The following LMO2 variants were observed in gnomAD, a reference collection of about 807,000 sequenced individuals.
LMO2 encodes the protein rhombotin-2.
A neutral mutation model predicts 23.2 loss-of-function variants in LMO2; 20 were observed. The ratio of observed to expected loss-of-function variants is 0.86; its 90% confidence interval spans 0.61 to 1.25. The LOEUF (loss-of-function observed/expected upper bound fraction) is 1.25, where lower values mean the gene tolerates loss of function less well. Ranked by LOEUF, LMO2 falls within the 50% of genes most tolerant of loss-of-function variation. LMO2 has a pLI of 0.00. For missense variants in LMO2, 270 were observed against 315.3 expected, an observed-to-expected ratio of 0.86 and a Z score of 1.09; for synonymous variants, 123 against 130.2, an observed-to-expected ratio of 0.94 and a Z score of 0.38.
intron 2 of LMO2, among the ~76,000 whole-genome samples, chr11:33,877,816 A>G (rs1857171882): frequency 6.6e-6 from 1 of 151,960 alleles, no homozygotes; most frequent in Non-Finnish European, 1.5e-5. Context: ...TAGAGCTGGA[A>G]TCTTGTTAAT....
chr11:33,889,413 A>G (rs1857490668), intron 1 of LMO2, among the ~76,000 whole-genome samples: 1 of 152,182 alleles, frequency 6.6e-6, no homozygotes, highest in South Asian at 2.1e-4. Flanking sequence ...GCATCCGTTC[A>G]ACAGAATCGC....
In LMO2 at chr11:33,890,734, GA is replaced by G. The variant is rs1857526079; in HGVS notation, c.-336+1060del. 2.0e-5 allele frequency among the ~76,000 whole-genome samples: 3 copies of G among 152,248 alleles called. No homozygotes were observed. The South Asian group carries it at 6.2e-4, about 32-fold the overall frequency. On this transcript the variant is annotated intron_variant, in intron 1 of 5. Transcript: ENST00000257818. ...TATTACTCTTAACAACAATGACAAT[GA>G]TGACTGATGAGGGCTAAGTACCAGC...
Position 33,869,688 on chromosome 11 carries a change from C to CTAA in LMO2, c.7+21_7+22insTTA, listed in dbSNP as rs1254247652. On this transcript the variant is annotated intron_variant, in intron 3 of 5. Coordinates refer to ENST00000257818, the MANE Select transcript of LMO2 (RefSeq NM_005574.4). ...GCCTGGCTCCAGGCGGCTGCAGCTG[C>CTAA]TGCTGCTGCTCAGGACTTAACCTTC... The CTAA allele has an allele frequency of 2.3e-6, 3 of 1,278,530 alleles. No homozygotes were observed. In the African/African-American group the frequency reaches 4.8e-5, roughly 20 times the overall value. The allele number at this position is 1,278,530 out of a possible 1,614,324, so 79.2% of individuals were successfully genotyped here.
intron 1 of LMO2, among the ~76,000 whole-genome samples, chr11:33,883,721 T>G (rs1857339058): frequency 6.6e-6 from 1 of 152,192 alleles, no homozygotes; most frequent in Non-Finnish European, 1.5e-5. Context: ...TAGAGTGTTT[T>G]TTAGGCCCTT....
intron 4 of LMO2, chr11:33,865,101 T>C (rs1414918797): frequency 6.2e-6 from 3 of 484,612 alleles, no homozygotes; most frequent in Non-Finnish European, 1.1e-5. Flanking sequence ...CCCCTGCCCA[T>C]GCCCAGCACT....
intron 2 of LMO2, chr11:33,881,489 G>T: frequency 2.3e-6 from 1 of 432,636 alleles, no homozygotes; most frequent in Non-Finnish European, 4.7e-6. Context: ...TGGGAGACGG[G>T]GCTGGCACGG....
intron 2 of LMO2, chr11:33,881,272 T>C (rs1387289666): frequency 2.2e-6 from 1 of 456,942 alleles, no homozygotes. Context: ...CCTTGGGTCA[T>C]ATCTCGCAAA....
intron 2 of LMO2, among the ~76,000 whole-genome samples, chr11:33,875,657 G>C (rs1857122346): frequency 6.6e-6 from 1 of 151,574 alleles, no homozygotes; most frequent in South Asian, 2.1e-4. Context: ...AGACATACAG[G>C]GTCAACAGCT....
Position 33,871,071 on chromosome 11 carries a change from G to A in LMO2, c.-271-1084C>T, listed in dbSNP as rs114265070. 6.5e-4 allele frequency: 636 copies of A among 983,922 alleles called. 4 individuals are homozygous for A. In the African/African-American group the frequency reaches 8.9e-3, roughly 14 times the overall value. 60.9% of individuals were successfully genotyped at this position (983,922 alleles called of 1,614,324 possible). ...CAGGATCCATGGTTTTATATGATCA[G>A]TCTGGATCATAGGCATACATTTCTG... On this transcript the variant is annotated intron_variant, in intron 2 of 5. Coordinates refer to ENST00000257818, the MANE Select transcript of LMO2 (RefSeq NM_005574.4).
chr11:33,875,578 C>CAAA (rs71037312), intron 2 of LMO2, among the ~76,000 whole-genome samples: 6,596 of 114,658 alleles, frequency 0.058, 543 homozygotes, highest in East Asian at 0.18. Context: ...AACTCCTTCT[C>CAAA]AAAAAAAAAA....
At chr11:33,871,254 C>G (rs1857015147) in intron 2 of LMO2, among the ~76,000 whole-genome samples, 1 of 146,626 alleles carries the variant, frequency 6.8e-6, no homozygotes, top group African/African-American at 2.5e-5. Flanking sequence ...CCAAAGGAAG[C>G]CTTAAGAGCA....
At chr11:33,876,035 AC>A (rs1857130436) in intron 2 of LMO2, among the ~76,000 whole-genome samples, 1 of 152,136 alleles carries the variant, frequency 6.6e-6, no homozygotes. Context: ...CTTAAAACAA[AC>A]CAAGCTGACT....
At chr11:33,868,836 C>G (rs1405465488) in intron 4 of LMO2, among the ~76,000 whole-genome samples, 1 of 152,254 alleles carries the variant, frequency 6.6e-6, no homozygotes, top group South Asian at 2.1e-4. Flanking sequence ...GGACCCCTCA[C>G]CCGCCCGTTA....
At chr11:33,867,865 A>T (rs2133695449) in intron 4 of LMO2, among the ~76,000 whole-genome samples, 1 of 152,340 alleles carries the variant, frequency 6.6e-6, no homozygotes, top group African/African-American at 2.4e-5. Context: ...GCTGATCAAA[A>T]AGGCATGAGG....
At position 33,864,927 on chromosome 11, in the gene LMO2, G is replaced by C; in HGVS notation, c.249-110C>G. The C allele has an allele frequency of 1.1e-6, 1 of 932,738 alleles. No homozygotes were observed. Among genetic ancestry groups the C allele is most frequent in the South Asian group, 1.4e-5 (1 of 73,848 alleles). The allele number at this position is 932,738 out of a possible 1,614,324, so 57.8% of individuals were successfully genotyped here. A position where few individuals can be genotyped will look rare whatever the true frequency, so the allele number is the denominator to read the frequency against. ...GCATCTCACCTGACTGCCTTTCAGT[G>C]ACCTAAGGGAGAAGGGACAGGACAA... On this transcript the variant is annotated intron_variant, in intron 4 of 5. Coordinates refer to ENST00000257818, the MANE Select transcript of LMO2 (RefSeq NM_005574.4). The surrounding 1 kb of genome is among the most constrained non-coding windows in gnomAD (Gnocchi z 4.8).
intron 2 of LMO2, among the ~76,000 whole-genome samples, chr11:33,871,917 T>C (rs1648862352): frequency 6.6e-6 from 1 of 152,142 alleles, no homozygotes; most frequent in Non-Finnish European, 1.5e-5. Flanking sequence ...ACCTGGATTC[T>C]AACCCATCCT....
intron 5 of LMO2, among the ~76,000 whole-genome samples, chr11:33,863,322 A>T (rs80250425): frequency 0.027 from 4,038 of 152,318 alleles, 68 homozygotes; most frequent in Non-Finnish European, 0.043. Context: ...GGACTGCAAG[A>T]ACTTTATCTG....
chr11:33,869,700 AGGACT>A lies in LMO2; in HGVS notation c.7+5_7+9del. 2 of 1,296,666 alleles carry A rather than the reference AGGACT, an allele frequency of 1.5e-6. No individual in the cohort carries two copies. The highest frequency in any genetic ancestry group is 1.0e-6 in the Non-Finnish European group (1 of 1,003,936). 80.3% of individuals were successfully genotyped at this position (1,296,666 alleles called of 1,614,324 possible). ...GCGGCTGCAGCTGCTGCTGCTGCTC[AGGACT>A]TAACCTTCCATCCCGGTCCCGCCGC... On this transcript the variant is annotated splice_donor_5th_base_variant and intron_variant, in intron 3 of 5. Transcript: ENST00000257818.
At chr11:33,869,194 G>A in intron 4 of LMO2, 152 bp downstream of exon 4, 2 of 429,256 alleles carry the variant, frequency 4.7e-6, no homozygotes, top group South Asian at 1.1e-4. Flanking sequence ...CACCCGGGAG[G>A]AAGGAGGAGC....
Sources: gnomAD v4.1 joint callset for allele counts (sites outside exome capture counted in the v4.1 genomes callset) on GRCh38, gnomAD v4.1.1 for gene constraint, Gnocchi (gnomAD v3.1) non-coding constraint, MANE v1.5 for transcripts, NCBI Gene and HGNC (gene_info 2026-07-23, HGNC 2026-07-21) for gene names.